KCTD14: variants seen among roughly 807,000 people sequenced by gnomAD.
KCTD14 encodes BTB/POZ domain-containing protein KCTD14.
A neutral mutation model predicts 5.9 loss-of-function variants in KCTD14; 7 were observed. The observed-to-expected ratio is 1.19, with a 90% CI of 0.68 to 2.23. The LOEUF (loss-of-function observed/expected upper bound fraction) is 2.23. Ranked by LOEUF, KCTD14 falls within the 30% of genes most tolerant of loss-of-function variation. KCTD14 has a pLI of 0.00. For synonymous variants in KCTD14, 140 were observed against 133.1 expected, an observed-to-expected ratio of 1.05 and a Z score of -0.36; for missense variants, 342 against 332.2, an observed-to-expected ratio of 1.03 and a Z score of -0.23.
chr11:78,041,792 C>A (rs1857999677), intron 1 of KCTD14, among the ~76,000 whole-genome samples: 1 of 152,250 alleles, frequency 6.6e-6, no homozygotes. Flanking sequence ...ACTCCCGTTG[C>A]CACTCCCAAT....
In KCTD14 at chr11:78,018,379, G is replaced by T. The variant is rs184062004; in HGVS notation, c.91-1109C>A. On this transcript the variant is annotated intron_variant, in intron 1 of 1. Coordinates refer to ENST00000353172, the MANE Select transcript of KCTD14 (RefSeq NM_023930.4). ...AACATAGCAAGACCCCATCTCTGTT[G>T]TTTTTTAAATAGATTTAAGGAAAAA... Among the ~76,000 whole-genome samples, 1,158 of 151,848 alleles carry T rather than the reference G, an allele frequency of 7.6e-3. 14 individuals carry two copies. The highest frequency in any genetic ancestry group is 0.026 in the African/African-American group (1,086 of 41,416).
Position 78,016,965 on chromosome 11 carries a change from C to T in KCTD14, c.396G>A (p.Gln132=), listed in dbSNP as rs149221032. The T allele has an allele frequency of 6.2e-7, 1 of 1,614,118 alleles. No individual in the cohort carries two copies. The highest frequency in any genetic ancestry group is 8.5e-7 in the Non-Finnish European group (1 of 1,180,060). Residue 132 remains glutamine (Q), a synonymous_variant, in exon 2 of 2, where the codon CAG becomes CAA. Coordinates refer to ENST00000353172, the MANE Select transcript of KCTD14 (RefSeq NM_023930.4). ...LEDMPQIFGE[Q]VSRKQFLLQV... ...GCAGCAAAAACTGCTTCCGAGACAC[C>T]TGCTCACCAAAGATCTGTGGCATGT...
chr11:78,016,952 G>A lies in KCTD14; in HGVS notation c.409C>T (p.Gln137Ter), dbSNP rs1342643756. Residue 137 changes from glutamine to a stop codon, truncating the protein, a stop_gained, in exon 2 of 2, where the codon CAG (glutamine) becomes TAG (stop). Transcript: ENST00000353172. LOFTEE classifies it low-confidence loss of function (END_TRUNC). ...TAGCCCGGCACTTGCAGCAAAAACT[G>A]CTTCCGAGACACCTGCTCACCAAAG... ...QIFGEQVSRK[Q>*]FLLQVPGYSE... 2.5e-6 allele frequency: 4 copies of A among 1,614,200 alleles called. No individual in the cohort carries two copies. The highest frequency in any genetic ancestry group is 2.5e-6 in the Non-Finnish European group (3 of 1,180,028).
chr11:78,024,391 A>AT (rs1181890708), upstream of KCTD14, among the ~76,000 whole-genome samples: 4 of 118,236 alleles, frequency 3.4e-5, no homozygotes, highest in African/African-American at 9.6e-5. Context: ...AAAAAAAAAA[A>AT]AAAAAAATAT....
chr11:78,025,118 G>GTGTGTGTGTA (rs1230114793), upstream of KCTD14, among the ~76,000 whole-genome samples: 6 of 44,482 alleles, frequency 1.3e-4, no homozygotes, highest in East Asian at 2.3e-3. Context: ...GTGTGTGTGT[G>GTGTGTGTGTA]TATATATATA....
At chr11:78,030,347 A>G (rs60228077) in intron 2 of KCTD14, among the ~76,000 whole-genome samples, 12,986 of 152,108 alleles carry the variant, frequency 0.085, 1,779 homozygotes, top group African/African-American at 0.29. Context: ...AGTCAGTCAG[A>G]CCAGGAGACG....
rs901129878 is a variant in KCTD14, at chr11:78,016,391, T to C, written c.*202A>G. The C allele has an allele frequency of 5.1e-6, 3 of 593,424 alleles. No homozygotes were observed. The African/African-American group carries it at 5.6e-5, about 11-fold the overall frequency. 36.8% of individuals were successfully genotyped at this position (593,424 alleles called of 1,614,324 possible). Reference sequence around the variant, plus strand: ...CATGAGGCTTTGAAAAGGAAGTAGCTGCAAGTTGCTAGGCAAATATAGTGG... The same window carrying C: ...CATGAGGCTTTGAAAAGGAAGTAGCCGCAAGTTGCTAGGCAAATATAGTGG... On this transcript the variant is annotated 3_prime_UTR_variant, in exon 2 of 2. Transcript: ENST00000353172.
chr11:78,022,264 A>G (rs1857329769), intron 1 of KCTD14, among the ~76,000 whole-genome samples: 1 of 152,050 alleles, frequency 6.6e-6, no homozygotes, highest in Admixed American at 6.6e-5. Context: ...TAACAAACAA[A>G]CAAACAAACA....
At chr11:78,042,967 C>T (rs1485568172) in intron 1 of KCTD14, among the ~76,000 whole-genome samples, 1 of 152,230 alleles carries the variant, frequency 6.6e-6, no homozygotes, top group African/African-American at 2.4e-5. Context: ...CTGGCCGGTG[C>T]CATGTTGCCT....
Position 78,017,221 on chromosome 11 carries a change from G to C in KCTD14, c.140C>G (p.Thr47Ser), listed in dbSNP as rs1199538856. Residue 47 changes from threonine to serine, a missense_variant, in exon 2 of 2, where the codon ACC becomes AGC. Thr to Ser is a moderately conservative substitution (Grantham distance 58). Transcript: ENST00000353172. The stretch of plus-strand genomic sequence containing the variant: ...CGGAAACTTCCTCAGGGTACCCAGG[G>C]TGGTGGTGTGGAACTCACCCCCGAC... Reference protein sequence around the residue: ...LNVGGEFHTTTLGTLRKFPGS... With the variant: ...LNVGGEFHTTSLGTLRKFPGS... 2.5e-6 allele frequency: 4 copies of C among 1,611,654 alleles called. No individual in the cohort carries two copies. In the East Asian group the frequency reaches 8.9e-5, roughly 36 times the overall value.
rs763085078 is a variant in KCTD14, at chr11:78,016,764, G to A, written c.597C>T (p.Val199=). The A allele has an allele frequency of 3.3e-5, 53 of 1,614,168 alleles. No individual in the cohort carries two copies. The highest frequency in any genetic ancestry group is 3.3e-4 in the Middle Eastern group (2 of 6,062). ...GGACCGCCTTCCAGGGCCCAAACTT[G>A]ACAACAGACTTGAACATCTTCTTAT... The part of the protein sequence containing the change: ...LQDKKMFKSV[V]KFGPWKAVLD... Residue 199 remains valine (V), a synonymous_variant, in exon 2 of 2, where the codon GTC becomes GTT. Coordinates refer to ENST00000353172, the MANE Select transcript of KCTD14 (RefSeq NM_023930.4).
At chr11:78,034,545 T>C (rs918409058) in intron 2 of KCTD14, among the ~76,000 whole-genome samples, 2 of 151,556 alleles carry the variant, frequency 1.3e-5, no homozygotes, top group African/African-American at 2.4e-5. Context: ...TCTTTCTTTC[T>C]TTCAAGTCAT....
chr11:78,017,238 AC>A lies in KCTD14; in HGVS notation c.122del (p.Gly41ValfsTer11). 1 of 1,604,876 alleles carries A rather than the reference AC, an allele frequency of 6.2e-7. No homozygotes were observed. The highest frequency in any genetic ancestry group is 8.5e-7 in the Non-Finnish European group (1 of 1,173,044). On this transcript the variant is annotated frameshift_variant, in exon 2 of 2. Transcript: ENST00000353172. LOFTEE classifies it low-confidence loss of function (END_TRUNC). ...TACCCAGGGTGGTGGTGTGGAACTC[AC>A]CCCCGACGTTCAGCTCCACAACAGT... ...MSTVVELNVG[G>X]EFHTTTLGTL...
chr11:78,031,856 T>C (rs1857628173), intron 2 of KCTD14, among the ~76,000 whole-genome samples: 1 of 152,210 alleles, frequency 6.6e-6, no homozygotes, highest in South Asian at 2.1e-4. Context: ...TTTCACAGTG[T>C]GACCAGTGCT....
chr11:78,029,787 C>CT (rs1264522822), intron 2 of KCTD14, among the ~76,000 whole-genome samples: 96 of 137,446 alleles, frequency 7.0e-4, no homozygotes, highest in Non-Finnish European at 8.4e-4. Flanking sequence ...TTTTTTTTTT[C>CT]TTTTTTTTTT....
At position 78,023,182 on chromosome 11, in the gene KCTD14, G is replaced by A. The variant is rs200251983; in HGVS notation, c.68C>T (p.Ser23Phe). The A allele has an allele frequency of 1.2e-5, 19 of 1,599,488 alleles. No homozygotes were observed. The highest frequency in any genetic ancestry group is 4.6e-5 in the East Asian group (2 of 43,618). ...TACCGTTGGCCGCCTGGGCCGGGGGGACTGGGGCAGAGGGGTCTGGCTCGT... is the reference window on the plus strand; with the variant it reads ...TACCGTTGGCCGCCTGGGCCGGGGGAACTGGGGCAGAGGGGTCTGGCTCGT... ...RMTSQTPLPQSPRPRRPTMST... is the reference protein window; with the variant it reads ...RMTSQTPLPQFPRPRRPTMST... The change falls in exon 1 of 2, where the codon TCC (serine) becomes TTC (phenylalanine). Residue 23 changes from serine (S) to phenylalanine (F), a missense_variant. Ser to Phe is a radical substitution (Grantham distance 155). Coordinates refer to ENST00000353172, the MANE Select transcript of KCTD14 (RefSeq NM_023930.4).
chr11:78,019,476 T>C (rs1857257104), intron 1 of KCTD14, among the ~76,000 whole-genome samples: 1 of 151,730 alleles, frequency 6.6e-6, no homozygotes, highest in Non-Finnish European at 1.5e-5. Flanking sequence ...CAACACTGCA[T>C]CTGGTTATGT....
chr11:78,026,759 A>G (rs147912217), upstream of KCTD14, among the ~76,000 whole-genome samples: 180 of 152,242 alleles, frequency 1.2e-3, 4 homozygotes, highest in Middle Eastern at 0.014. Flanking sequence ...GTGGAATGAG[A>G]TCCTGTCTCA....
upstream of KCTD14, chr11:78,023,379 GGACA>G: frequency 1.2e-6 from 1 of 828,636 alleles, no homozygotes; most frequent in Non-Finnish European, 1.9e-6. Context: ...AGAAAGAAAT[GGACA>G]GTCTGTCTAT....
Sources: allele counts gnomAD v4.1 joint callset (sites outside exome capture counted in the v4.1 genomes callset), GRCh38; gene constraint gnomAD v4.1.1; transcripts MANE v1.5; gene names NCBI Gene and HGNC (gene_info 2026-07-23, HGNC 2026-07-21).